CSMD1: variants seen among roughly 807,000 people sequenced by gnomAD.
CSMD1 encodes the protein CUB and Sushi multiple domains 1.
A neutral mutation model predicts 417.5 loss-of-function variants in CSMD1; 213 were observed. The ratio of observed to expected loss-of-function variants is 0.51; its 90% confidence interval spans 0.46 to 0.57. The LOEUF (loss-of-function observed/expected upper bound fraction) is 0.57, where lower values mean the gene tolerates loss of function less well. Ranked by LOEUF, CSMD1 falls within the 20% of genes least tolerant of loss-of-function variation. The pLI, the probability that CSMD1 is intolerant of heterozygous loss-of-function variation, is 0.00. For synonymous variants in CSMD1, 2,862 were observed against 1,736.8 expected (o/e 1.65, Z -16.11); for missense variants, 6,923 against 4,529.7 (o/e 1.53, Z -15.17).
chr8:3,865,169 G>C (rs948035616), intron 5 of CSMD1, among the ~76,000 whole-genome samples: 1 of 152,176 alleles, frequency 6.6e-6, no homozygotes, highest in African/African-American at 2.4e-5. Context: ...GATTCCTTGG[G>C]TGTAGAGGCA....
At chr8:4,967,077 C>T (rs954206662) in intron 1 of CSMD1, among the ~76,000 whole-genome samples, 1 of 152,082 alleles carries the variant, frequency 6.6e-6, no homozygotes, top group African/African-American at 2.4e-5. Flanking sequence ...CAATTAGTCA[C>T]TGATTTGAAA....
chr8:3,384,720 A>ATAAATTATATATAAATATATTTATAATAT (rs1554533456), intron 18 of CSMD1, among the ~76,000 whole-genome samples: 29 of 118,290 alleles, frequency 2.5e-4, no homozygotes, highest in African/African-American at 7.8e-4. Context: ...ATATATTTAT[A>ATAAATTATATATAAATATATTTATAATAT]ATATTTATAT....
chr8:3,682,284 T>C (rs1336390777), intron 7 of CSMD1, among the ~76,000 whole-genome samples: 3 of 152,000 alleles, frequency 2.0e-5, no homozygotes, highest in African/African-American at 7.2e-5. Flanking sequence ...ATTTTTGCAA[T>C]CTACTCATCT....
intron 1 of CSMD1, among the ~76,000 whole-genome samples, chr8:4,899,425 T>C (rs1172533492): frequency 1.3e-5 from 2 of 152,168 alleles, no homozygotes; most frequent in African/African-American, 2.4e-5. Flanking sequence ...CCAGGAAGTA[T>C]TTTAGGTAAT....
chr8:3,296,131 C>T (rs912110905), intron 25 of CSMD1, among the ~76,000 whole-genome samples: 8 of 151,932 alleles, frequency 5.3e-5, no homozygotes, highest in African/African-American at 1.9e-4. Context: ...GGAAAAGAAT[C>T]ACTGGGATAC....
chr8:4,656,201 C>A (rs1359177128), intron 1 of CSMD1, among the ~76,000 whole-genome samples: 1 of 151,890 alleles, frequency 6.6e-6, no homozygotes, highest in African/African-American at 2.4e-5. Flanking sequence ...AGGACTATTC[C>A]AGGAAGGGAA....
At chr8:4,982,676 CT>C (rs1194188440) in intron 1 of CSMD1, among the ~76,000 whole-genome samples, 1 of 152,102 alleles carries the variant, frequency 6.6e-6, no homozygotes, top group Non-Finnish European at 1.5e-5. Flanking sequence ...TATATGGACT[CT>C]TTTTAAAAGA....
intron 12 of CSMD1, among the ~76,000 whole-genome samples, chr8:3,465,653 C>T (rs561122535): frequency 2.4e-4 from 36 of 152,278 alleles, no homozygotes; most frequent in Non-Finnish European, 4.7e-4. Flanking sequence ...ACTACTCAGG[C>T]TATTCCTGAT....
At chr8:4,378,617 G>C (rs117387038) in intron 3 of CSMD1, among the ~76,000 whole-genome samples, 2 of 152,178 alleles carry the variant, frequency 1.3e-5, no homozygotes, top group Non-Finnish European at 2.9e-5. Context: ...GCTAAAACAA[G>C]AGTTTGAAGA....
At chr8:4,098,588 A>G (rs1449041085) in intron 3 of CSMD1, among the ~76,000 whole-genome samples, 1 of 152,098 alleles carries the variant, frequency 6.6e-6, no homozygotes, top group African/African-American at 2.4e-5. Flanking sequence ...TGGGAACTCA[A>G]CACCCTCTCT....
At chr8:4,484,424 G>C (rs561867758) in intron 2 of CSMD1, among the ~76,000 whole-genome samples, 1 of 152,132 alleles carries the variant, frequency 6.6e-6, no homozygotes, top group African/African-American at 2.4e-5. Context: ...AAGACACAGA[G>C]AGGGATGGGG....
intron 1 of CSMD1, among the ~76,000 whole-genome samples, chr8:4,774,061 G>C (rs1034650793): frequency 6.6e-6 from 1 of 152,100 alleles, no homozygotes; most frequent in Non-Finnish European, 1.5e-5. Flanking sequence ...GCTGGGCATG[G>C]CGATAGATGC....
chr8:4,475,761 C>T (rs1800768807), intron 2 of CSMD1, among the ~76,000 whole-genome samples: 1 of 151,966 alleles, frequency 6.6e-6, no homozygotes, highest in South Asian at 2.1e-4. Context: ...TACAGGCGTG[C>T]ACCACCACAC....
chr8:3,284,232 C>T lies in CSMD1; in HGVS notation c.4065G>A (p.Glu1355=). The change falls in exon 26 of 70, where the codon GAG becomes GAA. Residue 1355 remains glutamate, a synonymous_variant. Coordinates refer to ENST00000635120, the MANE Select transcript of CSMD1 (RefSeq NM_033225.6). The stretch of plus-strand genomic sequence containing the variant: ...GTGAGTTGAAGGTGCTGTGGATGTC[C>T]TCCGGAAGGGCGGAGCCACTCCACT... ...LKEWSGSALP[E]DIHSTFNSLT... is the part of the protein sequence containing the mutation. 1 of 1,613,232 alleles carries T rather than the reference C, an allele frequency of 6.2e-7. No individual in the cohort carries two copies. The highest frequency in any genetic ancestry group is 8.5e-7 in the Non-Finnish European group (1 of 1,179,668).
intron 1 of CSMD1, among the ~76,000 whole-genome samples, chr8:4,707,972 A>G (rs930844212): frequency 2.0e-5 from 3 of 150,720 alleles, no homozygotes; most frequent in Admixed American, 2.0e-4. Context: ...TTTAAGACAC[A>G]TCTCACTCTG....
At chr8:3,670,508 A>G (rs1350170263) in intron 7 of CSMD1, among the ~76,000 whole-genome samples, 1 of 145,626 alleles carries the variant, frequency 6.9e-6, no homozygotes, top group Non-Finnish European at 1.5e-5. Flanking sequence ...TCCCATATAT[A>G]TATATATATC....
At chr8:3,898,174 T>C (rs2627427) in intron 5 of CSMD1, among the ~76,000 whole-genome samples, 27,877 of 152,078 alleles carry the variant, frequency 0.18, 3,547 homozygotes, top group African/African-American at 0.36. Context: ...CATCAATCCC[T>C]GCAAGCCATC....
At chr8:3,039,035 C>T (rs554794336) in intron 50 of CSMD1, among the ~76,000 whole-genome samples, 10 of 152,236 alleles carry the variant, frequency 6.6e-5, no homozygotes, top group African/African-American at 2.2e-4. Flanking sequence ...TTTGGATCTT[C>T]GCAGAAGAGA....
At position 3,163,245 on chromosome 8, in the gene CSMD1, G is replaced by C. The variant is rs551081785; in HGVS notation, c.5726-968C>G. 7.2e-5 allele frequency among the ~76,000 whole-genome samples: 11 copies of C among 152,284 alleles called. 1 individual carries two copies. In the South Asian group the frequency reaches 2.1e-3, roughly 29 times the overall value. ...TGTCATGAAGAAATAGTGGAGAAAG[G>C]CTTCTCTTGGTAGGCCAGCTTCACA... On this transcript the variant is annotated intron_variant, in intron 37 of 69. Coordinates refer to ENST00000635120, the MANE Select transcript of CSMD1 (RefSeq NM_033225.6).
Sources: allele counts gnomAD v4.1 joint callset (sites outside exome capture counted in the v4.1 genomes callset), GRCh38; gene constraint gnomAD v4.1.1; transcripts MANE v1.5; gene names NCBI Gene and HGNC (gene_info 2026-07-23, HGNC 2026-07-21).